Variants in PPP2R2C observed in about 807,000 individuals in gnomAD.
PPP2R2C encodes the protein protein phosphatase 2, regulatory subunit B, gamma.
In PPP2R2C, 10 loss-of-function variants were observed where a neutral mutation model predicts 45.3. That is an observed-to-expected ratio of 0.22 (90% CI 0.14 to 0.37). The LOEUF (loss-of-function observed/expected upper bound fraction) is 0.37, where lower values mean the gene tolerates loss of function less well. Ranked by LOEUF, PPP2R2C falls within the 10% of genes least tolerant of loss-of-function variation. The pLI is 1.00. For missense variants in PPP2R2C, 308 were observed against 619.7 expected, an observed-to-expected ratio of 0.50 and a Z score of 5.34; for synonymous variants, 257 against 245.4, an observed-to-expected ratio of 1.05 and a Z score of -0.44.
intron 5 of PPP2R2C, among the ~76,000 whole-genome samples, chr4:6,353,923 C>A (rs1459613463): frequency 8.6e-5 from 1 of 11,564 alleles, no homozygotes; most frequent in African/African-American, 5.0e-4. Flanking sequence ...ACAGCCCCCC[C>A]ACACCGACAG....
intron 2 of PPP2R2C, among the ~76,000 whole-genome samples, chr4:6,495,474 C>T (rs1403731284): frequency 6.6e-6 from 1 of 152,194 alleles, no homozygotes; most frequent in Non-Finnish European, 1.5e-5. Context: ...TGCCGGATCC[C>T]ACCTGGGATG....
At chr4:6,481,132 C>A (rs1334519812) in intron 2 of PPP2R2C, among the ~76,000 whole-genome samples, 1 of 152,188 alleles carries the variant, frequency 6.6e-6, no homozygotes, top group African/African-American at 2.4e-5. Context: ...TTTGTCTTAA[C>A]TTTGTTTATG....
In PPP2R2C at chr4:6,383,730, C is replaced by G. The variant is rs1716025625; in HGVS notation, c.71-2636G>C. 3.7e-6 allele frequency: 3 copies of G among 801,058 alleles called. No homozygotes were observed. The South Asian group carries it at 9.3e-5, about 25-fold the overall frequency. 49.6% of individuals were successfully genotyped at this position (801,058 alleles called of 1,614,324 possible). ...TAAAGGCTTTTATCATCTGTAGGCT[C>G]TCTTCCTGGCCAGAACGTAAACTTC... is the stretch of plus-strand genomic sequence containing the variant. On this transcript the variant is annotated intron_variant, in intron 1 of 8. Coordinates refer to ENST00000382599, the MANE Select transcript of PPP2R2C (RefSeq NM_020416.4).
intron 2 of PPP2R2C, among the ~76,000 whole-genome samples, chr4:6,496,345 A>C (rs1722880664): frequency 6.6e-6 from 1 of 152,226 alleles, no homozygotes; most frequent in Non-Finnish European, 1.5e-5. Context: ...GGACCCCACC[A>C]GCCCAGGCCT....
At chr4:6,514,945 G>A (rs1468434120) in intron 2 of PPP2R2C, among the ~76,000 whole-genome samples, 1 of 151,928 alleles carries the variant, frequency 6.6e-6, no homozygotes, top group East Asian at 1.9e-4. Context: ...TCACCATGTG[G>A]CCTTCTCCTG....
chr4:6,381,886 A>G, intron 1 of PPP2R2C: 2 of 1,603,484 alleles, frequency 1.2e-6, no homozygotes, highest in Non-Finnish European at 1.7e-6. Flanking sequence ...CTAGGGGAAC[A>G]CCCCTTCCAT....
At chr4:6,544,693 G>A (rs563193225) in intron 1 of PPP2R2C, among the ~76,000 whole-genome samples, 4 of 152,256 alleles carry the variant, frequency 2.6e-5, no homozygotes, top group East Asian at 1.9e-4. Flanking sequence ...CCCTGTGCTC[G>A]GGCAGAAAAG....
intron 2 of PPP2R2C, among the ~76,000 whole-genome samples, chr4:6,535,087 G>C (rs1455047154): frequency 6.6e-6 from 1 of 152,242 alleles, no homozygotes; most frequent in African/African-American, 2.4e-5. Flanking sequence ...GGTGGGGCCA[G>C]GGCCCAGGCG....
chr4:6,325,997 G>A (rs1291459446), intron 8 of PPP2R2C, among the ~76,000 whole-genome samples: 2 of 152,238 alleles, frequency 1.3e-5, no homozygotes, highest in Non-Finnish European at 2.9e-5. Context: ...CCGAGATGGC[G>A]CCACTGCACT....
At chr4:6,488,295 CTT>C (rs1722592802) in intron 2 of PPP2R2C, among the ~76,000 whole-genome samples, 1 of 152,194 alleles carries the variant, frequency 6.6e-6, no homozygotes, top group Non-Finnish European at 1.5e-5. Context: ...GGATGCCAGA[CTT>C]TGTGATTTTT....
chr4:6,433,220 C>A (rs1404182706), intron 1 of PPP2R2C, among the ~76,000 whole-genome samples: 2 of 152,080 alleles, frequency 1.3e-5, no homozygotes, highest in Non-Finnish European at 2.9e-5. Context: ...GTTCGAGGGT[C>A]TGCTCTGTTG....
intron 8 of PPP2R2C, among the ~76,000 whole-genome samples, chr4:6,326,776 C>T (rs544156972): frequency 3.3e-5 from 5 of 152,364 alleles, no homozygotes; most frequent in African/African-American, 9.6e-5. Flanking sequence ...TGCCTCTCCA[C>T]AGCACGCTGC....
At chr4:6,526,887 G>C (rs1384425633) in intron 2 of PPP2R2C, among the ~76,000 whole-genome samples, 1 of 152,172 alleles carries the variant, frequency 6.6e-6, no homozygotes, top group African/African-American at 2.4e-5. Context: ...CCTGAGGAGG[G>C]GGACAGCCAT....
At chr4:6,333,515 T>G in intron 7 of PPP2R2C, 47 bp downstream of exon 7, 1 of 1,595,844 alleles carries the variant, frequency 6.3e-7, no homozygotes. Context: ...GATCTCAGCA[T>G]AGGGAAAAAA....
intron 1 of PPP2R2C, chr4:6,414,111 T>C: frequency 7.7e-7 from 1 of 1,305,942 alleles, no homozygotes; most frequent in Admixed American, 2.6e-5. Context: ...TGTGTGTGTG[T>C]GTGTGTGTGT....
chr4:6,522,703 T>C (rs1724064953), intron 2 of PPP2R2C, among the ~76,000 whole-genome samples: 1 of 152,274 alleles, frequency 6.6e-6, no homozygotes, highest in African/African-American at 2.4e-5. Flanking sequence ...CACCAGTTTC[T>C]GATACCACAG....
chr4:6,452,304 C>G (rs1720778559), intron 1 of PPP2R2C, among the ~76,000 whole-genome samples: 1 of 152,168 alleles, frequency 6.6e-6, no homozygotes, highest in African/African-American at 2.4e-5. Flanking sequence ...GAGTCTAACC[C>G]TCAGGACACA....
intron 1 of PPP2R2C, among the ~76,000 whole-genome samples, chr4:6,544,302 T>C (rs1190334807): frequency 6.6e-6 from 1 of 152,210 alleles, no homozygotes; most frequent in Non-Finnish European, 1.5e-5. Context: ...TAGTCAATTT[T>C]CCTCCTACTT....
At chr4:6,472,067 C>T in intron 1 of PPP2R2C, 93 bp downstream of exon 1, 1 of 1,505,754 alleles carries the variant, frequency 6.6e-7, no homozygotes, top group Non-Finnish European at 9.1e-7. Flanking sequence ...ACACGACACA[C>T]ATCGCGCGGT....
Sources: gnomAD v4.1 joint callset for allele counts (sites outside exome capture counted in the v4.1 genomes callset) on GRCh38, gnomAD v4.1.1 for gene constraint, MANE v1.5 for transcripts, NCBI Gene and HGNC (gene_info 2026-07-23, HGNC 2026-07-21) for gene names.